FAM120B: variants seen among roughly 807,000 people sequenced by gnomAD.
FAM120B encodes the protein constitutive coactivator of peroxisome proliferator-activated receptor gamma.
Under a neutral mutation model 96.3 loss-of-function variants are expected in FAM120B, and 83 were observed. The observed-to-expected ratio is 0.86, with a 90% confidence interval of 0.72 to 1.03. FAM120B has a LOEUF of 1.03. FAM120B is among the 50% of genes least tolerant of loss of function. The pLI, the probability that FAM120B is intolerant of heterozygous loss-of-function variation, is 0.00. For synonymous variants in FAM120B, 407 were observed against 402.7 expected (o/e 1.01, Z -0.13); for missense variants, 1,027 against 1,121.2 (o/e 0.92, Z 1.20).
intron 6 of FAM120B, among the ~76,000 whole-genome samples, chr6:170,385,969 CAG>C (rs1463072897): frequency 2.6e-5 from 4 of 152,056 alleles, no homozygotes; most frequent in African/African-American, 7.2e-5. Flanking sequence ...GCCAGGGGCT[CAG>C]GGGAGGGAGG....
At chr6:170,401,321 G>T (rs1778572462) in intron 9 of FAM120B, among the ~76,000 whole-genome samples, 1 of 152,204 alleles carries the variant, frequency 6.6e-6, no homozygotes, top group African/African-American at 2.4e-5. Context: ...GGGTCTCCAA[G>T]TGGCATTCAG....
intron 9 of FAM120B, among the ~76,000 whole-genome samples, chr6:170,401,022 C>T (rs1778551591): frequency 1.3e-5 from 2 of 152,200 alleles, no homozygotes; most frequent in South Asian, 4.1e-4. Context: ...AGCTTTCTTC[C>T]GATTCTGTTA....
intron 6 of FAM120B, among the ~76,000 whole-genome samples, chr6:170,376,051 C>A (rs1426320763): frequency 1.3e-5 from 2 of 152,226 alleles, no homozygotes; most frequent in East Asian, 3.9e-4. Flanking sequence ...TTACCTGGGA[C>A]AGCAGAACTG....
At chr6:170,290,794 C>T, upstream of FAM120B, 2 of 567,834 alleles carry the variant, frequency 3.5e-6, no homozygotes, top group South Asian at 4.0e-5. The surrounding 1 kb of genome is among the most constrained non-coding windows in gnomAD (Gnocchi z 4.7). Context: ...TGAATCCAGC[C>T]AATGCCATCC....
chr6:170,358,319 G>A lies in FAM120B; in HGVS notation c.2283+1G>A. 5 of 1,595,480 alleles carry A rather than the reference G, an allele frequency of 3.1e-6. No individual in the cohort carries two copies. Among genetic ancestry groups the A allele is most frequent in the Non-Finnish European group, 3.4e-6 (4 of 1,166,390 alleles). Reference sequence around the variant, plus strand: ...CACCTCGCAGCTTGTAAATCTACAGGTACAGACGTGACCAGTTAGTTGTCA... The same window carrying A: ...CACCTCGCAGCTTGTAAATCTACAGATACAGACGTGACCAGTTAGTTGTCA... On this transcript the variant is annotated splice_donor_variant, in intron 6 of 10. Transcript: ENST00000476287. LOFTEE classifies it high-confidence loss of function.
In FAM120B at chr6:170,395,491, G is replaced by A; in HGVS notation, c.2604G>A (p.Arg868=). 3 of 1,591,484 alleles carry A rather than the reference G, an allele frequency of 1.9e-6. No homozygotes were observed. The highest frequency in any genetic ancestry group is 1.1e-5 in the South Asian group (1 of 87,148). The part of the protein sequence containing the change: ...RAHWGSHHAG[R]WGRQGSSYHR... ...TCTGACTATGTGTTCCCACAGGGAG[G>A]TGGGGAAGACAGGGCTCCAGCTACC... Residue 868 remains arginine (R), a synonymous_variant, in exon 9 of 11, where the codon AGG becomes AGA. Coordinates refer to ENST00000476287, the MANE Select transcript of FAM120B (RefSeq NM_032448.3).
At chr6:170,391,293 G>C in intron 8 of FAM120B, 172 bp downstream of exon 8, 1 of 563,930 alleles carries the variant, frequency 1.8e-6, no homozygotes, top group Non-Finnish European at 3.2e-6. Context: ...TCAGCACTTT[G>C]GGAGGCCGAG....
Position 170,330,468 on chromosome 6 carries a change from A to C in FAM120B, c.1935A>C (p.Leu645=). 6.2e-7 allele frequency: 1 copy of C among 1,614,050 alleles called. No homozygotes were observed. The stretch of plus-strand genomic sequence containing the variant: ...CTTCAGATGTCACCAGCACCTGCCT[A>C]GCTGTCAAGGAGTGGTTTGTGTATC... ...EDCQDVTSTC[L]AVKEWFVYPG... is the part of the protein sequence containing the mutation. The change falls in exon 4 of 11, where the codon CTA becomes CTC. Residue 645 remains leucine, a synonymous_variant. Coordinates refer to ENST00000476287, the MANE Select transcript of FAM120B (RefSeq NM_032448.3).
intron 4 of FAM120B, among the ~76,000 whole-genome samples, chr6:170,334,036 C>T (rs1468275424): frequency 6.6e-6 from 1 of 152,112 alleles, no homozygotes; most frequent in Non-Finnish European, 1.5e-5. Context: ...GAGTCTTGGC[C>T]CACACCAAAG....
At chr6:170,327,586 A>G (rs1785682035) in intron 3 of FAM120B, among the ~76,000 whole-genome samples, 1 of 151,670 alleles carries the variant, frequency 6.6e-6, no homozygotes, top group Non-Finnish European at 1.5e-5. Context: ...TGGGAAGACC[A>G]GGATATGACC....
At chr6:170,337,443 T>C (rs982636082) in intron 4 of FAM120B, among the ~76,000 whole-genome samples, 3 of 152,234 alleles carry the variant, frequency 2.0e-5, no homozygotes, top group African/African-American at 7.2e-5. Context: ...CATTATTTTA[T>C]TGAGGATTTT....
chr6:170,369,912 T>C lies in FAM120B; in HGVS notation c.2283+11594T>C, dbSNP rs112218359. On this transcript the variant is annotated intron_variant, in intron 6 of 10. Transcript: ENST00000476287. ...TTGCTGAATATGTCCATAAATCTTA[T>C]ACTTAAGAGTTTATGCTATAATGCT... 1.5e-3 allele frequency among the ~76,000 whole-genome samples: 221 copies of C among 152,334 alleles called. 1 individual carries two copies. The highest frequency in any genetic ancestry group is 5.0e-3 in the African/African-American group (208 of 41,568).
intron 1 of FAM120B, among the ~76,000 whole-genome samples, chr6:170,299,342 T>A (rs2114978694): frequency 6.6e-6 from 1 of 152,372 alleles, no homozygotes; most frequent in Non-Finnish European, 1.5e-5. Flanking sequence ...CTTTTATTCC[T>A]TAACTGCAGG....
chr6:170,369,869 C>G (rs1789068232), intron 6 of FAM120B, among the ~76,000 whole-genome samples: 2 of 152,092 alleles, frequency 1.3e-5, no homozygotes, highest in South Asian at 4.1e-4. Context: ...TGTAGGTACT[C>G]AATAATTAAT....
chr6:170,387,568 A>G (rs1249850394), intron 6 of FAM120B, among the ~76,000 whole-genome samples: 1 of 152,222 alleles, frequency 6.6e-6, no homozygotes, highest in East Asian at 1.9e-4. Flanking sequence ...CCTCTGCAGC[A>G]TCTTAGGATA....
chr6:170,360,956 G>C (rs1788319608), intron 6 of FAM120B, among the ~76,000 whole-genome samples: 1 of 151,872 alleles, frequency 6.6e-6, no homozygotes, highest in South Asian at 2.1e-4. Context: ...GCCTGACTCT[G>C]TTCTGACTGC....
At chr6:170,380,477 C>A (rs2115283681) in intron 6 of FAM120B, among the ~76,000 whole-genome samples, 1 of 152,314 alleles carries the variant, frequency 6.6e-6, no homozygotes, top group Admixed American at 6.5e-5. Flanking sequence ...CAACAGTGTA[C>A]AAGGGTTCCC....
chr6:170,339,788 A>C (rs1434518435), intron 4 of FAM120B, among the ~76,000 whole-genome samples: 1 of 151,934 alleles, frequency 6.6e-6, no homozygotes, highest in Admixed American at 6.6e-5. Context: ...CAAAAAAAAA[A>C]AAAAAAAAAG....
rs529034383 is a variant in FAM120B, at chr6:170,395,190, G to A, written c.2600-297G>A. On this transcript the variant is annotated intron_variant, in intron 8 of 10. Coordinates refer to ENST00000476287, the MANE Select transcript of FAM120B (RefSeq NM_032448.3). Reference sequence around the variant, plus strand: ...CGCCATGGCCTGCATGGGTCCAGGGGGCCCCAGGGAAGAGGAGTGGTTGGG... The same window carrying A: ...CGCCATGGCCTGCATGGGTCCAGGGAGCCCCAGGGAAGAGGAGTGGTTGGG... Among the ~76,000 whole-genome samples, 86 of 152,264 alleles carry A rather than the reference G, an allele frequency of 5.6e-4. 1 individual carries two copies. The South Asian group carries it at 0.017, about 31-fold the overall frequency.
Sources: gnomAD v4.1 joint callset for allele counts (sites outside exome capture counted in the v4.1 genomes callset) on GRCh38, gnomAD v4.1.1 for gene constraint, Gnocchi (gnomAD v3.1) non-coding constraint, MANE v1.5 for transcripts, NCBI Gene and HGNC (gene_info 2026-07-23, HGNC 2026-07-21) for gene names.